OXGR1: variants seen among roughly 807,000 people sequenced by gnomAD.
OXGR1 encodes 2-oxoglutarate receptor 1.
In OXGR1, 10 loss-of-function variants were observed where a neutral mutation model predicts 10.0. That is an observed-to-expected ratio of 1.00 (90% CI 0.62 to 1.70). OXGR1 has a LOEUF of 1.70. OXGR1 is among the 40% of genes most tolerant of loss of function. OXGR1 has a pLI of 0.00. For synonymous variants in OXGR1, 191 were observed against 155.9 expected (o/e 1.22, Z -1.68); for missense variants, 398 against 407.6 (o/e 0.98, Z 0.20).
rs973090369 is a variant in OXGR1, at chr13:96,986,470, C to G, written c.*276G>C. The G allele has an allele frequency of 2.7e-6, 1 of 371,972 alleles. No individual in the cohort carries two copies. The highest frequency in any genetic ancestry group is 4.5e-5 in the Admixed American group (1 of 22,408). The allele number at this position is 371,972 out of a possible 1,614,324, so 23.0% of individuals were successfully genotyped here. A position where few individuals can be genotyped will look rare whatever the true frequency, so the allele number is the denominator to read the frequency against. On this transcript the variant is annotated 3_prime_UTR_variant, in exon 4 of 4. Coordinates refer to ENST00000541038, the MANE Select transcript of OXGR1 (RefSeq NM_001346194.2). The stretch of plus-strand genomic sequence containing the variant: ...TGTATATATAGTAAGTTGGTGGGAA[C>G]AGATGTTCTCTAAGATGCCTCTGAG...
chr13:96,994,419 C>G lies in OXGR1; in HGVS notation c.-399G>C, dbSNP rs1335734613. 2.0e-5 allele frequency: 3 copies of G among 151,336 alleles called. No homozygotes were observed. The highest frequency in any genetic ancestry group is 7.3e-5 in the African/African-American group (3 of 41,174). 9.4% of individuals were successfully genotyped at this position (151,336 alleles called of 1,614,324 possible). ...CCGCCCCTCCCACCCCTCCGAGGCCCAGCGAGCAAGTGCGTGTTCTCGGGT... is the reference window on the plus strand; with the variant it reads ...CCGCCCCTCCCACCCCTCCGAGGCCGAGCGAGCAAGTGCGTGTTCTCGGGT... On this transcript the variant is annotated 5_prime_UTR_variant, in exon 1 of 4. Coordinates refer to ENST00000541038, the MANE Select transcript of OXGR1 (RefSeq NM_001346194.2).
chr13:96,986,761 G>A lies in OXGR1; in HGVS notation c.999C>T (p.Tyr333=). 1.9e-6 allele frequency: 3 copies of A among 1,606,140 alleles called. No individual in the cohort carries two copies. The highest frequency in any genetic ancestry group is 1.7e-6 in the Non-Finnish European group (2 of 1,177,264). Reference sequence around the variant, plus strand: ...ATGAAATATTTCAAGGGTTGTTTGAGTAACTAATTTTCTTTGCTTGCTCAA... The same window carrying A: ...ATGAAATATTTCAAGGGTTGTTTGAATAACTAATTTTCTTTGCTTGCTCAA... ...GNLEQAKKIS[Y]SNNP The change falls in exon 4 of 4, where the codon TAC becomes TAT. Residue 333 remains tyrosine (Y), a synonymous_variant. Transcript: ENST00000541038.
Position 96,987,566 on chromosome 13 carries a change from C to T in OXGR1, c.194G>A (p.Trp65Ter). ...ISTYIFKMRP[W>*]KSSTIIMLNL... ...CAGCATAATGATGGTGCTGCTCTTC[C>T]AAGGTCTCATTTTGAAAATGTAAGT... Residue 65 changes from tryptophan to a stop codon, truncating the protein, a stop_gained, in exon 4 of 4, where the codon TGG becomes TAG. Transcript: ENST00000541038. LOFTEE classifies it high-confidence loss of function. The T allele has an allele frequency of 6.2e-7, 1 of 1,614,014 alleles. No homozygotes were observed. Among genetic ancestry groups the T allele is most frequent in the Non-Finnish European group, 8.5e-7 (1 of 1,179,962 alleles).
At chr13:96,991,226 G>C (rs1882041448) in intron 2 of OXGR1, among the ~76,000 whole-genome samples, 1 of 152,166 alleles carries the variant, frequency 6.6e-6, no homozygotes. Context: ...CCTCATAAAA[G>C]TATGAGTTTA....
intron 2 of OXGR1, among the ~76,000 whole-genome samples, chr13:96,990,078 A>G (rs1296532331): frequency 1.3e-5 from 2 of 152,196 alleles, no homozygotes; most frequent in Non-Finnish European, 2.9e-5. Context: ...TAAAAGTGCT[A>G]TTCATGAAAC....
At chr13:96,988,959 AAC>A (rs376416359) in intron 3 of OXGR1, among the ~76,000 whole-genome samples, 11 of 152,178 alleles carry the variant, frequency 7.2e-5, no homozygotes, top group African/African-American at 2.7e-4. Context: ...CAAACTGAAT[AAC>A]ACACACAGAT....
At position 96,986,841 on chromosome 13, in the gene OXGR1, C is replaced by T. The variant is rs768259752; in HGVS notation, c.919G>A (p.Asp307Asn). The T allele has an allele frequency of 1.7e-5, 28 of 1,614,050 alleles. No individual in the cohort carries two copies. The highest frequency in any genetic ancestry group is 1.6e-4 in the East Asian group (7 of 44,896). The change falls in exon 4 of 4, where the codon GAC becomes AAC. Residue 307 changes from aspartate (D) to asparagine (N), a missense_variant. By Grantham distance (23) the Asp-to-Asn change is conservative. Coordinates refer to ENST00000541038, the MANE Select transcript of OXGR1 (RefSeq NM_001346194.2). Reference protein sequence around the residue: ...GNLLLYVVVSDNFQQAVCSTV... With the variant: ...GNLLLYVVVSNNFQQAVCSTV... ...GAGCAGACAGCCTGCTGAAAGTTGTCGCTGACCACCACATATAGTAACAGG... is the reference window on the plus strand; with the variant it reads ...GAGCAGACAGCCTGCTGAAAGTTGTTGCTGACCACCACATATAGTAACAGG...
Position 96,985,849 on chromosome 13 carries a change from A to G in OXGR1, c.*897T>C, listed in dbSNP as rs1881707577. ...ATACAATTCAAAAATATCTTTAGCTATCACATAGACATATGTTCATTGTAG... is the reference window on the plus strand; with the variant it reads ...ATACAATTCAAAAATATCTTTAGCTGTCACATAGACATATGTTCATTGTAG... On this transcript the variant is annotated 3_prime_UTR_variant, in exon 4 of 4. Coordinates refer to ENST00000541038, the MANE Select transcript of OXGR1 (RefSeq NM_001346194.2). 1 of 152,238 alleles carries G rather than the reference A, an allele frequency of 6.6e-6. No homozygotes were observed. Among genetic ancestry groups the G allele is most frequent in the Non-Finnish European group, 1.5e-5 (1 of 68,030 alleles). The allele number at this position is 152,238 out of a possible 1,614,324, so 9.4% of individuals were successfully genotyped here.
intron 2 of OXGR1, among the ~76,000 whole-genome samples, chr13:96,990,753 G>A (rs997172449): frequency 2.0e-5 from 3 of 151,884 alleles, no homozygotes; most frequent in Non-Finnish European, 2.9e-5. Flanking sequence ...AGACCTGCCT[G>A]GCCAGCATTG....
At chr13:96,992,798 C>G (rs978295674) in intron 1 of OXGR1, among the ~76,000 whole-genome samples, 1 of 152,144 alleles carries the variant, frequency 6.6e-6, no homozygotes, top group African/African-American at 2.4e-5. Flanking sequence ...CCTCCCTCTC[C>G]CCCAGACTCC....
Position 96,987,174 on chromosome 13 carries a change from T to C in OXGR1, c.586A>G (p.Lys196Glu). ...GCAGTCAAAATCAGGTTGTACCACTTAATAGTATTGAGTTCATCCGAACTG... is the reference window on the plus strand; with the variant it reads ...GCAGTCAAAATCAGGTTGTACCACTCAATAGTATTGAGTTCATCCGAACTG... ...LTSSDELNTIKWYNLILTATT... is the reference protein window; with the variant it reads ...LTSSDELNTIEWYNLILTATT... Residue 196 changes from lysine to glutamate, a missense_variant, in exon 4 of 4, where the codon AAG becomes GAG. Physicochemically the swap from Lys to Glu is moderately conservative, Grantham distance 56. Transcript: ENST00000541038. 1 of 1,613,870 alleles carries C rather than the reference T, an allele frequency of 6.2e-7. No homozygotes were observed. The highest frequency in any genetic ancestry group is 8.5e-7 in the Non-Finnish European group (1 of 1,179,742).
intron 3 of OXGR1, 145 bp downstream of exon 3, chr13:96,989,613 T>A (rs994459821): frequency 6.6e-6 from 1 of 152,354 alleles, no homozygotes; most frequent in Non-Finnish European, 1.5e-5. Flanking sequence ...GAGGCAGTGA[T>A]GTGCTCAAAG....
Position 96,987,355 on chromosome 13 carries a change from G to A in OXGR1, c.405C>T (p.Ile135=), listed in dbSNP as rs1881813546. ...TCFSIFRYCV[I]IHPMSCFSIH... is the part of the protein sequence containing the mutation. Reference sequence around the variant, plus strand: ...TGGAAAAGCAGCTCATTGGGTGAATGATCACACAGTAGCGGAAGATGCTGA... The same window carrying A: ...TGGAAAAGCAGCTCATTGGGTGAATAATCACACAGTAGCGGAAGATGCTGA... The change falls in exon 4 of 4, where the codon ATC becomes ATT. Residue 135 remains isoleucine, a synonymous_variant. Coordinates refer to ENST00000541038, the MANE Select transcript of OXGR1 (RefSeq NM_001346194.2). 1 of 1,614,196 alleles carries A rather than the reference G, an allele frequency of 6.2e-7. No individual in the cohort carries two copies. Among genetic ancestry groups the A allele is most frequent in the Non-Finnish European group, 8.5e-7 (1 of 1,180,030 alleles).
chr13:96,987,171 A>G lies in OXGR1; in HGVS notation c.589T>C (p.Trp197Arg). ...TSSDELNTIK[W>R]YNLILTATTF... ...GTTGCAGTCAAAATCAGGTTGTACC[A>G]CTTAATAGTATTGAGTTCATCCGAA... The change falls in exon 4 of 4, where the codon TGG becomes CGG. Residue 197 changes from tryptophan to arginine, a missense_variant. Transcript: ENST00000541038. The G allele has an allele frequency of 6.2e-7, 1 of 1,614,194 alleles. No homozygotes were observed. The highest frequency in any genetic ancestry group is 8.5e-7 in the Non-Finnish European group (1 of 1,180,022).
rs1392110045 is a variant in OXGR1, at chr13:96,986,781, G to A, written c.979C>T (p.Gln327Ter). 1.2e-6 allele frequency: 2 copies of A among 1,609,646 alleles called. No individual in the cohort carries two copies. Among genetic ancestry groups the A allele is most frequent in the South Asian group, 1.1e-5 (1 of 89,736 alleles). ...TTTGAGTAACTAATTTTCTTTGCTT[G>A]CTCAAGGTTCCCGCTTACTTTGCAT... The part of the protein sequence containing the change: ...VRCKVSGNLE[Q>*]AKKISYSNNP The change falls in exon 4 of 4, where the codon CAA becomes TAA. Residue 327 changes from glutamine (Q) to a stop codon, truncating the protein, a stop_gained. Transcript: ENST00000541038. LOFTEE classifies it high-confidence loss of function.
chr13:96,986,591 G>A lies in OXGR1; in HGVS notation c.*155C>T. The A allele has an allele frequency of 1.4e-6, 1 of 722,810 alleles. No homozygotes were observed. The highest frequency in any genetic ancestry group is 2.2e-6 in the Non-Finnish European group (1 of 448,400). The allele number at this position is 722,810 out of a possible 1,614,324, so 44.8% of individuals were successfully genotyped here. ...AGTGGAGGAGCTCAATAAAGGGATT[G>A]CAAAGAACTAGAAGCTCTGCCCTGG... On this transcript the variant is annotated 3_prime_UTR_variant, in exon 4 of 4. Transcript: ENST00000541038.
chr13:96,988,329 C>A (rs1166720262), intron 3 of OXGR1, among the ~76,000 whole-genome samples: 3 of 152,156 alleles, frequency 2.0e-5, no homozygotes, highest in Non-Finnish European at 2.9e-5. Context: ...GATCCACACT[C>A]GCATTTTTCT....
In OXGR1 at chr13:96,985,855, T is replaced by C. The variant is rs1294337795; in HGVS notation, c.*891A>G. ...TTCAAAAATATCTTTAGCTATCACA[T>C]AGACATATGTTCATTGTAGTCATAA... On this transcript the variant is annotated 3_prime_UTR_variant, in exon 4 of 4. Coordinates refer to ENST00000541038, the MANE Select transcript of OXGR1 (RefSeq NM_001346194.2). The C allele has an allele frequency of 6.6e-6, 1 of 152,198 alleles. No individual in the cohort carries two copies. The highest frequency in any genetic ancestry group is 2.4e-5 in the African/African-American group (1 of 41,458). The allele number at this position is 152,198 out of a possible 1,614,324, so 9.4% of individuals were successfully genotyped here.
chr13:96,986,406 A>G lies in OXGR1; in HGVS notation c.*340T>C. ...TTTTCTCCTATCTTGGCACAAATTT[A>G]CTGAGCAATCTAGGGCAAGGGTAAG... On this transcript the variant is annotated 3_prime_UTR_variant, in exon 4 of 4. Coordinates refer to ENST00000541038, the MANE Select transcript of OXGR1 (RefSeq NM_001346194.2). The G allele has an allele frequency of 4.7e-6, 1 of 213,604 alleles. No homozygotes were observed. Among genetic ancestry groups the G allele is most frequent in the Non-Finnish European group, 9.3e-6 (1 of 107,662 alleles). 13.2% of individuals were successfully genotyped at this position (213,604 alleles called of 1,614,324 possible). A position where few individuals can be genotyped will look rare whatever the true frequency, so the allele number is the denominator to read the frequency against.
Sources: gnomAD v4.1 joint callset for allele counts (sites outside exome capture counted in the v4.1 genomes callset) on GRCh38, gnomAD v4.1.1 for gene constraint, MANE v1.5 for transcripts, NCBI Gene and HGNC (gene_info 2026-07-23, HGNC 2026-07-21) for gene names.